Variants in CFTR observed in about 807,000 individuals in gnomAD.
CFTR encodes the protein cystic fibrosis transmembrane conductance regulator.
In CFTR, 181 loss-of-function variants were observed where a neutral mutation model predicts 171.6. That is an observed-to-expected ratio of 1.05 (90% CI 0.93 to 1.19). The LOEUF is 1.19. CFTR is among the 50% of genes most tolerant of loss of function. The probability of loss-of-function intolerance (pLI) is 0.00; values close to 1 mark genes in which losing one functional copy is unlikely to be tolerated. For synonymous variants in CFTR, 583 were observed against 608.0 expected (o/e 0.96, Z 0.60); for missense variants, 1,968 against 1,734.7 (o/e 1.13, Z -2.39).
chr7:117,507,603 G>A (rs1165250766), intron 2 of CFTR, among the ~76,000 whole-genome samples: 1 of 152,168 alleles, frequency 6.6e-6, no homozygotes, highest in Admixed American at 6.5e-5. Flanking sequence ...ATGGATGGGA[G>A]GTTAGCTCTG....
chr7:117,595,091 TTTAAAG>T (rs1792100654), intron 15 of CFTR, 33 bp downstream of exon 15: 3 of 1,583,884 alleles, frequency 1.9e-6, no homozygotes, highest in Admixed American at 1.7e-5. Context: ...TATTACTGGA[TTTAAAG>T]TTAAATTAAG....
In CFTR at chr7:117,519,394, AC is replaced by A. The variant is rs193922507; in HGVS notation, c.273+10255del. 7.9e-5 allele frequency among the ~76,000 whole-genome samples: 12 copies of A among 152,220 alleles called. No individual in the cohort carries two copies. The highest frequency in any genetic ancestry group is 1.6e-4 in the Non-Finnish European group (11 of 67,952). ...AGACAAAAAATTGACACTCACTTTT[AC>A]CCTGCCAAAAGCAAAATCTTAAACT... On this transcript the variant is annotated intron_variant, in intron 3 of 26. Transcript: ENST00000003084.
chr7:117,515,029 C>T (rs1348646225), intron 3 of CFTR, among the ~76,000 whole-genome samples: 1 of 151,588 alleles, frequency 6.6e-6, no homozygotes, highest in Middle Eastern at 3.2e-3. Context: ...TGTTTAAGTG[C>T]CTTGTAAATT....
chr7:117,548,967 T>A, intron 10 of CFTR, 144 bp downstream of exon 10: 1 of 1,230,604 alleles, frequency 8.1e-7, no homozygotes, highest in East Asian at 2.6e-5. Flanking sequence ...TCTTGTATAA[T>A]AGAAATTGTT....
chr7:117,493,658 T>C (rs954499323), intron 1 of CFTR, among the ~76,000 whole-genome samples: 1 of 152,098 alleles, frequency 6.6e-6, no homozygotes, highest in Non-Finnish European at 1.5e-5. Flanking sequence ...AACTTAAATC[T>C]TGAGTCATAC....
chr7:117,631,771 G>A (rs531084018), intron 22 of CFTR, among the ~76,000 whole-genome samples: 5 of 152,162 alleles, frequency 3.3e-5, no homozygotes, highest in Non-Finnish European at 7.4e-5. Flanking sequence ...TAAGTAAACT[G>A]TTACCCTGAG....
At chr7:117,495,794 C>T (rs995011269) in intron 1 of CFTR, among the ~76,000 whole-genome samples, 2 of 152,078 alleles carry the variant, frequency 1.3e-5, no homozygotes, top group African/African-American at 4.8e-5. Flanking sequence ...AGTGAAAAAT[C>T]AAATGTTTAG....
In CFTR at chr7:117,664,746, A is replaced by G. The variant is rs748251646; in HGVS notation, c.4022A>G (p.Asp1341Gly). 6.2e-7 allele frequency: 1 copy of G among 1,613,916 alleles called. No individual in the cohort carries two copies. The highest frequency in any genetic ancestry group is 1.7e-5 in the Admixed American group (1 of 59,992). Residue 1341 changes from aspartate (D) to glycine (G), a missense_variant, in exon 25 of 27, where the codon GAT becomes GGT. Transcript: ENST00000003084. ...GGGAAGCTTGACTTTGTCCTTGTGGATGGGGGCTGTGTCCTAAGCCATGGC... is the reference window on the plus strand; with the variant it reads ...GGGAAGCTTGACTTTGTCCTTGTGGGTGGGGGCTGTGTCCTAAGCCATGGC... ...FPGKLDFVLV[D>G]GGCVLSHGHK...
In CFTR at chr7:117,642,641, T is replaced by G. The variant is rs754537521; in HGVS notation, c.3873+48T>G. On this transcript the variant is annotated intron_variant, in intron 23 of 26. Coordinates refer to ENST00000003084, the MANE Select transcript of CFTR (RefSeq NM_000492.4). ...AAAAAAGGCAACTAAATTATATTTT[T>G]TACTGCTATTTGATACTTGTACTCA... is the stretch of plus-strand genomic sequence containing the variant. The G allele has an allele frequency of 3.2e-6, 5 of 1,571,602 alleles. No homozygotes were observed. The South Asian group carries it at 5.6e-5, about 18-fold the overall frequency.
chr7:117,640,999 C>G (rs1792903196), intron 22 of CFTR, among the ~76,000 whole-genome samples: 1 of 151,668 alleles, frequency 6.6e-6, no homozygotes, highest in Admixed American at 6.6e-5. Context: ...CAAACAAAAG[C>G]AATAATCAAG....
chr7:117,517,527 AT>A (rs1298662857), intron 3 of CFTR, among the ~76,000 whole-genome samples: 1 of 152,142 alleles, frequency 6.6e-6, no homozygotes, highest in East Asian at 1.9e-4. Context: ...ACATAAGCAT[AT>A]GTCTTTCTAG....
intron 10 of CFTR, 113 bp downstream of exon 10, chr7:117,548,936 G>A: frequency 6.9e-7 from 1 of 1,443,758 alleles, no homozygotes; most frequent in Non-Finnish European, 9.4e-7. Flanking sequence ...ATGAGCATTA[G>A]GAGAATGTAT....
At chr7:117,596,710 C>A (rs1181343898) in intron 15 of CFTR, among the ~76,000 whole-genome samples, 2 of 152,174 alleles carry the variant, frequency 1.3e-5, no homozygotes, top group African/African-American at 2.4e-5. Context: ...TTTGTGAATG[C>A]ACCAATCAGC....
chr7:117,573,209 A>C (rs550953994), intron 11 of CFTR, among the ~76,000 whole-genome samples: 1 of 152,324 alleles, frequency 6.6e-6, no homozygotes, highest in Non-Finnish European at 1.5e-5. Flanking sequence ...GCACTTAAAA[A>C]AATGAAATTA....
intron 22 of CFTR, among the ~76,000 whole-genome samples, chr7:117,630,538 A>C (rs1376850801): frequency 6.6e-6 from 1 of 152,190 alleles, no homozygotes; most frequent in African/African-American, 2.4e-5. Flanking sequence ...TTTATTGGGC[A>C]AAAAGGAAAA....
intron 3 of CFTR, among the ~76,000 whole-genome samples, chr7:117,529,531 A>G (rs1253217437): frequency 6.6e-6 from 1 of 150,400 alleles, no homozygotes; most frequent in Non-Finnish European, 1.5e-5. Flanking sequence ...AAAAAAAAAA[A>G]AGTTTGAATG....
At chr7:117,531,287 TTTAA>T (rs1798862083) in intron 4 of CFTR, among the ~76,000 whole-genome samples, 173 bp downstream of exon 4, 1 of 152,166 alleles carries the variant, frequency 6.6e-6, no homozygotes, top group Non-Finnish European at 1.5e-5. Flanking sequence ...TCCTTGATAA[TTTAA>T]TTGACTTAAA....
intron 1 of CFTR, among the ~76,000 whole-genome samples, chr7:117,501,628 T>C (rs1367993541): frequency 2.7e-5 from 4 of 149,626 alleles, no homozygotes; most frequent in Non-Finnish European, 4.4e-5. Context: ...ATGCCTGTAA[T>C]CCCAGCTACT....
At chr7:117,500,682 A>G (rs1202525216) in intron 1 of CFTR, among the ~76,000 whole-genome samples, 3 of 152,196 alleles carry the variant, frequency 2.0e-5, no homozygotes, top group African/African-American at 7.2e-5. Flanking sequence ...GTTGGGCAGC[A>G]TAAGCTTAAT....
Sources: allele counts gnomAD v4.1 joint callset (sites outside exome capture counted in the v4.1 genomes callset), GRCh38; gene constraint gnomAD v4.1.1; transcripts MANE v1.5; gene names NCBI Gene and HGNC (gene_info 2026-07-23, HGNC 2026-07-21).